Variants in CDK14 observed in about 807,000 individuals in gnomAD.
CDK14 encodes cyclin dependent kinase 14.
In CDK14, 34 loss-of-function variants were observed where a neutral mutation model predicts 60.7. The ratio of observed to expected loss-of-function variants is 0.56; its 90% CI spans 0.43 to 0.75. The LOEUF (loss-of-function observed/expected upper bound fraction) is 0.75, where lower values mean the gene tolerates loss of function less well. Ranked by LOEUF, CDK14 falls within the 30% of genes least tolerant of loss-of-function variation. The pLI, the probability that CDK14 is intolerant of heterozygous loss-of-function variation, is 0.00. For synonymous variants in CDK14, 197 were observed against 203.7 expected (o/e 0.97, Z 0.28); for missense variants, 482 against 564.1 (o/e 0.85, Z 1.47).
At chr7:90,602,202 A>G (rs1053936917) in intron 1 of CDK14, among the ~76,000 whole-genome samples, 18 of 152,184 alleles carry the variant, frequency 1.2e-4, no homozygotes, top group African/African-American at 4.1e-4. Context: ...TAAAGACAGT[A>G]TATTTAAAAG....
intron 11 of CDK14, among the ~76,000 whole-genome samples, chr7:91,046,801 G>A (rs1469683289): frequency 6.6e-6 from 1 of 151,930 alleles, no homozygotes; most frequent in Non-Finnish European, 1.5e-5. Context: ...ATCCTATGAG[G>A]GAAAAGAGCT....
At chr7:90,792,289 C>T (rs1211955752) in intron 5 of CDK14, among the ~76,000 whole-genome samples, 1 of 151,538 alleles carries the variant, frequency 6.6e-6, no homozygotes, top group African/African-American at 2.4e-5. Flanking sequence ...TGATATCCTA[C>T]ACATGCATCT....
At chr7:91,056,299 G>A (rs998414606) in intron 11 of CDK14, among the ~76,000 whole-genome samples, 11 of 152,210 alleles carry the variant, frequency 7.2e-5, no homozygotes, top group South Asian at 2.1e-4. Context: ...TTGACCCAAG[G>A]GTAGGATGAA....
chr7:91,078,719 A>G (rs898673296), intron 11 of CDK14, among the ~76,000 whole-genome samples: 1 of 152,364 alleles, frequency 6.6e-6, no homozygotes, highest in East Asian at 1.9e-4. Flanking sequence ...TCAAAAAATC[A>G]ATGGTATATA....
At chr7:90,636,868 T>C (rs922724602) in intron 2 of CDK14, among the ~76,000 whole-genome samples, 1 of 151,818 alleles carries the variant, frequency 6.6e-6, no homozygotes, top group Non-Finnish European at 1.5e-5. Flanking sequence ...CTTGGGAGAG[T>C]GTATGTGTCG....
At chr7:90,767,055 T>C (rs1310477106) in intron 4 of CDK14, among the ~76,000 whole-genome samples, 1 of 152,104 alleles carries the variant, frequency 6.6e-6, no homozygotes, top group Non-Finnish European at 1.5e-5. Flanking sequence ...ACTCTCTTTT[T>C]CTCTAGGTGC....
intron 14 of CDK14, among the ~76,000 whole-genome samples, chr7:91,147,644 T>C (rs1364917088): frequency 6.6e-6 from 1 of 152,202 alleles, no homozygotes; most frequent in Non-Finnish European, 1.5e-5. Flanking sequence ...TTTGCATATA[T>C]GACAATTATA....
chr7:90,909,457 C>T (rs1035425595), intron 7 of CDK14, among the ~76,000 whole-genome samples: 12 of 118,554 alleles, frequency 1.0e-4, no homozygotes, highest in Admixed American at 5.6e-4. Context: ...ACATGCTTCA[C>T]GGTATATACA....
chr7:90,750,198 AC>A lies in CDK14; in HGVS notation c.464+2424del, dbSNP rs1562752233. On this transcript the variant is annotated intron_variant, in intron 4 of 14. Transcript: ENST00000380050. Reference sequence around the variant, plus strand: ...CACACACACACACACACACACACACACACCAATAATATTACAGAGAAAGAAA... The same window carrying A: ...CACACACACACACACACACACACACAACCAATAATATTACAGAGAAAGAAA... Among the ~76,000 whole-genome samples, 125 of 87,298 alleles carry A rather than the reference AC, an allele frequency of 1.4e-3. 1 individual carries two copies. The highest frequency in any genetic ancestry group is 4.9e-3 in the African/African-American group (117 of 23,756). 57.3% of individuals were successfully genotyped at this position (87,298 alleles called of 152,430 possible).
intron 10 of CDK14, among the ~76,000 whole-genome samples, chr7:91,018,482 C>T (rs560345366): frequency 6.6e-6 from 1 of 152,160 alleles, no homozygotes; most frequent in African/African-American, 2.4e-5. Context: ...TATCTTCTTG[C>T]AGAGTCTACA....
chr7:90,606,421 A>G (rs1254298359), intron 2 of CDK14, among the ~76,000 whole-genome samples: 1 of 152,240 alleles, frequency 6.6e-6, no homozygotes, highest in Non-Finnish European at 1.5e-5. Flanking sequence ...AATGGCTCAC[A>G]AAAAGTGAAT....
chr7:90,710,571 C>T, intron 2 of CDK14: 3 of 984,110 alleles, frequency 3.0e-6, no homozygotes, highest in Non-Finnish European at 3.6e-6. Flanking sequence ...GGTCAGTGTG[C>T]TGGTATTTTG....
intron 3 of CDK14, among the ~76,000 whole-genome samples, chr7:90,738,326 T>C (rs893001818): frequency 1.3e-5 from 2 of 152,320 alleles, no homozygotes; most frequent in South Asian, 2.1e-4. Context: ...GTAATACATA[T>C]AAAATGATTA....
intron 4 of CDK14, among the ~76,000 whole-genome samples, chr7:90,789,218 AC>A (rs2116961630): frequency 6.6e-6 from 1 of 152,332 alleles, no homozygotes; most frequent in East Asian, 1.9e-4. Context: ...CTATACTCAT[AC>A]ATAAGAACAC....
chr7:90,757,669 T>C (rs1439653835), intron 4 of CDK14, among the ~76,000 whole-genome samples: 5 of 151,942 alleles, frequency 3.3e-5, no homozygotes, highest in African/African-American at 1.2e-4. Flanking sequence ...CATGCAGTCT[T>C]GGCTCACTGC....
intron 5 of CDK14, among the ~76,000 whole-genome samples, chr7:90,816,376 C>T (rs527336226): frequency 3.3e-5 from 5 of 152,278 alleles, no homozygotes; most frequent in South Asian, 2.1e-4. Context: ...TCGAGCTGCT[C>T]AGATGTTCAC....
intron 2 of CDK14, among the ~76,000 whole-genome samples, chr7:90,644,297 GATA>G (rs1800412553): frequency 6.6e-6 from 1 of 152,196 alleles, no homozygotes; most frequent in South Asian, 2.1e-4. Flanking sequence ...CAGTCATAAT[GATA>G]ATAACCAAAA....
intron 9 of CDK14, among the ~76,000 whole-genome samples, chr7:90,973,744 G>C (rs1794992217): frequency 1.3e-5 from 2 of 151,926 alleles, no homozygotes; most frequent in Non-Finnish European, 2.9e-5. Flanking sequence ...TAGGGATTTT[G>C]AAAGGAGAGG....
At chr7:90,852,085 T>C (rs150057186) in intron 5 of CDK14, among the ~76,000 whole-genome samples, 102 of 152,238 alleles carry the variant, frequency 6.7e-4, no homozygotes, top group African/African-American at 2.4e-3. Flanking sequence ...GTTATAGATA[T>C]GGAGTCTTGC....
Sources: gnomAD v4.1 joint callset for allele counts (sites outside exome capture counted in the v4.1 genomes callset) on GRCh38, gnomAD v4.1.1 for gene constraint, MANE v1.5 for transcripts, NCBI Gene and HGNC (gene_info 2026-07-23, HGNC 2026-07-21) for gene names.